The following RUFY3 variants were observed in gnomAD, a reference collection of about 807,000 sequenced individuals.
The protein encoded by RUFY3 is RUN and FYVE domain containing 3.
Under a neutral mutation model 84.0 loss-of-function variants are expected in RUFY3, and 34 were observed. The observed-to-expected ratio is 0.40, with a 90% CI of 0.31 to 0.54. The LOEUF is 0.54. Among genes scored for constraint, RUFY3 ranks in the 20% least tolerant of loss-of-function variants. The pLI is 0.39. For missense variants in RUFY3, 507 were observed against 736.8 expected (o/e 0.69, Z 3.61); for synonymous variants, 242 against 252.9 (o/e 0.96, Z 0.41).
chr4:70,804,340 T>C lies in RUFY3; in HGVS notation c.1651-8T>C, dbSNP rs769607761. 1.2e-5 allele frequency: 20 copies of C among 1,613,516 alleles called. No individual in the cohort carries two copies. Among genetic ancestry groups the C allele is most frequent in the Non-Finnish European group, 1.6e-5 (19 of 1,179,692 alleles). ...AAGAAAAACTAACCAGCTCCCTGTG[T>C]GGTTTAGGATCAGCTGCTGCTCTCT... On this transcript the variant is annotated splice_polypyrimidine_tract_variant and splice_region_variant and intron_variant, in intron 16 of 17. Coordinates refer to ENST00000381006, the MANE Select transcript of RUFY3 (RefSeq NM_001037442.4).
intron 1 of RUFY3, among the ~76,000 whole-genome samples, chr4:70,743,396 G>T (rs1010025897): frequency 2.0e-5 from 3 of 151,892 alleles, no homozygotes; most frequent in Admixed American, 1.3e-4. Flanking sequence ...TTAATTATTG[G>T]CTAGGCACCA....
chr4:70,786,533 G>A (rs1437055976), intron 10 of RUFY3, among the ~76,000 whole-genome samples: 1 of 151,196 alleles, frequency 6.6e-6, no homozygotes. Context: ...TCTTTATGCT[G>A]GAAAAAAAAG....
intron 1 of RUFY3, among the ~76,000 whole-genome samples, chr4:70,713,705 G>A (rs72861330): frequency 0.17 from 25,770 of 152,114 alleles, 4,923 homozygotes; most frequent in African/African-American, 0.47. Context: ...TAACTTCAGA[G>A]TCTGTTTAGG....
At chr4:70,779,421 GA>G (rs1728523087) in intron 8 of RUFY3, among the ~76,000 whole-genome samples, 1 of 151,986 alleles carries the variant, frequency 6.6e-6, no homozygotes, top group African/African-American at 2.4e-5. Flanking sequence ...AATAAGAACA[GA>G]AAAATAACCT....
intron 1 of RUFY3, among the ~76,000 whole-genome samples, chr4:70,762,184 G>A (rs1186205547): frequency 3.3e-5 from 5 of 152,168 alleles, no homozygotes; most frequent in South Asian, 2.1e-4. Context: ...GTGTGATGGC[G>A]TGCGCCTATA....
At chr4:70,756,246 A>G (rs1724002202) in intron 1 of RUFY3, among the ~76,000 whole-genome samples, 1 of 151,882 alleles carries the variant, frequency 6.6e-6, no homozygotes, top group African/African-American at 2.4e-5. Flanking sequence ...CTCTAGTTCT[A>G]CCCTTTATTA....
upstream of RUFY3, chr4:70,704,252 TGGAA>T (rs1740002210): frequency 6.6e-6 from 1 of 152,178 alleles, no homozygotes; most frequent in Non-Finnish European, 1.5e-5. Context: ...AAAGAGGTGG[TGGAA>T]GGAAGACACC....
chr4:70,722,541 C>CTGTG lies in RUFY3; in HGVS notation c.-25_-22dup. ...TGTGTGTGTGTGAGTGTGTGTGTGTCTGTGTGTGTGTTGTGGTCCCAGCTG... is the reference window on the plus strand; with the variant it reads ...TGTGTGTGTGTGAGTGTGTGTGTGTCTGTGTGTGTGTGTGTTGTGGTCCCAGCTG... On this transcript the variant is annotated 5_prime_UTR_variant, in exon 1 of 18. Coordinates refer to ENST00000381006, the MANE Select transcript of RUFY3 (RefSeq NM_001037442.4). 6.3e-7 allele frequency: 1 copy of CTGTG among 1,593,588 alleles called. No individual in the cohort carries two copies. Among genetic ancestry groups the CTGTG allele is most frequent in the Non-Finnish European group, 8.6e-7 (1 of 1,169,126 alleles).
intron 1 of RUFY3, among the ~76,000 whole-genome samples, chr4:70,730,169 T>C (rs7681118): frequency 0.092 from 13,963 of 151,736 alleles, 1,365 homozygotes; most frequent in African/African-American, 0.24. Flanking sequence ...TCCTTGAACC[T>C]GCCTCGGCCT....
intron 2 of RUFY3, among the ~76,000 whole-genome samples, chr4:70,763,150 CTTG>C (rs1490497409): frequency 2.6e-5 from 4 of 152,032 alleles, no homozygotes; most frequent in East Asian, 1.9e-4. Context: ...ATATTCTTTT[CTTG>C]TTGTTTTTTG....
intron 1 of RUFY3, among the ~76,000 whole-genome samples, chr4:70,758,192 C>A (rs1208675743): frequency 6.6e-6 from 1 of 152,216 alleles, no homozygotes; most frequent in African/African-American, 2.4e-5. Flanking sequence ...CATACTCTGT[C>A]AGGTCATTGC....
Position 70,806,865 on chromosome 4 carries a change from T to TA in RUFY3, c.*207dup. On this transcript the variant is annotated 3_prime_UTR_variant, in exon 18 of 18. Transcript: ENST00000381006. ...ATGACTGTATGAATAAAAGTGAACT[T>TA]ACTTGAGCCTTTCTCTTCTAAATCT... The TA allele has an allele frequency of 2.0e-6, 1 of 493,118 alleles. No individual in the cohort carries two copies. The highest frequency in any genetic ancestry group is 3.7e-5 in the Admixed American group (1 of 27,330). 30.5% of individuals were successfully genotyped at this position (493,118 alleles called of 1,614,324 possible).
rs532704368 is a variant in RUFY3 at position 70,746,651 on chromosome 4, T to C, written c.179-15868T>C. 2.6e-3 allele frequency among the ~76,000 whole-genome samples: 400 copies of C among 152,300 alleles called. 3 individuals carry two copies. Among genetic ancestry groups the C allele is most frequent in the South Asian group, 6.2e-3 (30 of 4,824 alleles). Reference sequence around the variant, plus strand: ...TCTTCAGAACCCTGTCACCATTTTATAGATAAGGAAAGTGACACATACAGA... The same window carrying C: ...TCTTCAGAACCCTGTCACCATTTTACAGATAAGGAAAGTGACACATACAGA... On this transcript the variant is annotated intron_variant, in intron 1 of 17. Transcript: ENST00000381006.
At chr4:70,791,536 T>A in intron 12 of RUFY3, 1 of 1,333,414 alleles carries the variant, frequency 7.5e-7, no homozygotes, top group South Asian at 2.0e-5. Flanking sequence ...CTGAATAAAC[T>A]TTGAGAAATT....
In RUFY3 at chr4:70,793,520, G is replaced by A. The variant is rs908877964; in HGVS notation, c.1338-265G>A. Reference sequence around the variant, plus strand: ...TTTTATTGTTTATCATCTAATGGCTGTAAACTGTAGTACTAGAATAAAAAA... The same window carrying A: ...TTTTATTGTTTATCATCTAATGGCTATAAACTGTAGTACTAGAATAAAAAA... On this transcript the variant is annotated intron_variant, in intron 12 of 17. Transcript: ENST00000381006. The A allele has an allele frequency of 3.1e-6, 4 of 1,306,962 alleles. No homozygotes were observed. The African/African-American group carries it at 4.5e-5, about 15-fold the overall frequency. 81.0% of individuals were successfully genotyped at this position (1,306,962 alleles called of 1,614,324 possible).
chr4:70,748,637 A>G (rs1193839518), intron 1 of RUFY3, among the ~76,000 whole-genome samples: 2 of 152,178 alleles, frequency 1.3e-5, no homozygotes, highest in African/African-American at 4.8e-5. Context: ...TACTCATGAC[A>G]GTGCAAGCAG....
At chr4:70,738,366 T>TC (rs1720748882) in intron 1 of RUFY3, among the ~76,000 whole-genome samples, 1 of 144,606 alleles carries the variant, frequency 6.9e-6, no homozygotes, top group East Asian at 2.0e-4. Flanking sequence ...CTTTTTTTTT[T>TC]TTTTTTTTTT....
intron 1 of RUFY3, among the ~76,000 whole-genome samples, chr4:70,760,149 C>G (rs897940020): frequency 6.6e-6 from 1 of 152,182 alleles, no homozygotes; most frequent in Non-Finnish European, 1.5e-5. Context: ...GTTAACCTGT[C>G]TGTAGTTCAT....
intron 15 of RUFY3, among the ~76,000 whole-genome samples, chr4:70,801,077 T>G (rs1021355366): frequency 1.3e-5 from 2 of 149,206 alleles, no homozygotes; most frequent in Non-Finnish European, 3.0e-5. Flanking sequence ...GTTAGAAATA[T>G]AATTAAATAT....
Sources: gnomAD v4.1 joint callset for allele counts (sites outside exome capture counted in the v4.1 genomes callset) on GRCh38, gnomAD v4.1.1 for gene constraint, MANE v1.5 for transcripts, NCBI Gene and HGNC (gene_info 2026-07-23, HGNC 2026-07-21) for gene names.